Variants in KLF8 observed in about 807,000 individuals in gnomAD.
The protein encoded by KLF8 is Krueppel-like factor 8.
A neutral mutation model predicts 18.2 loss-of-function variants in KLF8; 10 were observed. The ratio of observed to expected loss-of-function variants is 0.55; its 90% CI spans 0.34 to 0.93. KLF8 has a LOEUF of 0.93. Among genes scored for constraint, KLF8 ranks in the 40% least tolerant of loss-of-function variants. KLF8 has a pLI of 0.02. For missense variants in KLF8, 264 were observed against 277.9 expected (o/e 0.95, Z 0.36); for synonymous variants, 109 against 97.3 (o/e 1.12, Z -0.71).
chrX:56,181,787 G>GC, the KLF8 span, among the ~76,000 whole-genome samples: 17,116 of 100,553 alleles, frequency 0.17, 3,292 homozygotes, highest in African/African-American at 0.53. Flanking sequence ...GTTGAATATT[G>GC]CTCCCCCCCC....
chrX:56,186,000 A>G, the KLF8 span, among the ~76,000 whole-genome samples: 164 of 112,378 alleles, frequency 1.5e-3, 1 homozygote, highest in African/African-American at 4.9e-3. Flanking sequence ...CATCATAATG[A>G]CAAGGATCAA....
the KLF8 span, among the ~76,000 whole-genome samples, chrX:56,094,503 C>A: frequency 1.8e-5 from 2 of 110,948 alleles, no homozygotes; most frequent in African/African-American, 6.5e-5. Context: ...AATAAAGTAA[C>A]CATTATAGTT....
the KLF8 span, among the ~76,000 whole-genome samples, chrX:56,160,358 A>T: frequency 9.0e-6 from 1 of 111,671 alleles, no homozygotes; most frequent in Non-Finnish European, 1.9e-5. Context: ...AGAAGAATGT[A>T]TATTCTGTTG....
At chrX:56,077,438 G>A in the KLF8 span, among the ~76,000 whole-genome samples, 1 of 111,761 alleles carries the variant, frequency 8.9e-6, no homozygotes, top group Non-Finnish European at 1.9e-5. Context: ...GTTTGTCAAA[G>A]ATCAGATAGT....
the KLF8 span, among the ~76,000 whole-genome samples, chrX:56,061,408 T>C: frequency 2.7e-5 from 3 of 111,707 alleles, no homozygotes; most frequent in Non-Finnish European, 5.6e-5. Context: ...ATTTCTGCCT[T>C]AATTTCGTTA....
the KLF8 span, among the ~76,000 whole-genome samples, chrX:56,057,430 C>A: frequency 2.7e-5 from 3 of 111,389 alleles, no homozygotes; most frequent in African/African-American, 9.8e-5. Context: ...AGCAAACATG[C>A]CCACGTACAC....
At chrX:56,255,523 T>C (rs907747350) in intron 2 of KLF8, among the ~76,000 whole-genome samples, 1 of 112,401 alleles carries the variant, frequency 8.9e-6, no homozygotes, top group Non-Finnish European at 1.9e-5. Flanking sequence ...TTTTTCCCCA[T>C]TCGATATGAT....
the KLF8 span, among the ~76,000 whole-genome samples, chrX:55,964,782 T>G: frequency 1.8e-5 from 2 of 111,780 alleles, no homozygotes; most frequent in Admixed American, 1.9e-4. Context: ...AACACTTCTA[T>G]GTACACAAAT....
the KLF8 span, among the ~76,000 whole-genome samples, chrX:56,148,452 A>G: frequency 9.0e-6 from 1 of 111,109 alleles, no homozygotes; most frequent in Admixed American, 9.7e-5. Flanking sequence ...AAAAAAAAAA[A>G]TAGAGAAATA....
chrX:56,262,633 C>T (rs1044678515), intron 2 of KLF8, among the ~76,000 whole-genome samples: 1 of 111,133 alleles, frequency 9.0e-6, no homozygotes, highest in Non-Finnish European at 1.9e-5. Flanking sequence ...TATATTCTTA[C>T]AGAAAATGAT....
At chrX:56,269,252 G>C in intron 3 of KLF8, 126 bp from the exon 4 acceptor site, 1 of 1,044,670 alleles carries the variant, frequency 9.6e-7, no homozygotes, top group Non-Finnish European at 1.2e-6. Context: ...CTTTCATCTT[G>C]TTTTTTATTT....
At chrX:56,003,863 C>T in the KLF8 span, among the ~76,000 whole-genome samples, 5 of 112,103 alleles carry the variant, frequency 4.5e-5, no homozygotes, top group Admixed American at 1.9e-4. Context: ...CCTGTGTAGC[C>T]TGAAAATCAT....
At chrX:56,266,853 A>C (rs2066979746) in intron 3 of KLF8, 2 of 752,260 alleles carry the variant, frequency 2.7e-6, no homozygotes, top group African/African-American at 4.6e-5. Flanking sequence ...GCTGAAAAAC[A>C]ACATACTACT....
chrX:56,205,875 T>C, the KLF8 span, among the ~76,000 whole-genome samples: 3 of 111,678 alleles, frequency 2.7e-5, no homozygotes, highest in African/African-American at 9.8e-5. Flanking sequence ...TGTATTAGTC[T>C]GTTTTCAGGC....
At chrX:55,973,596 C>G in the KLF8 span, among the ~76,000 whole-genome samples, 1 of 112,146 alleles carries the variant, frequency 8.9e-6, no homozygotes, top group Admixed American at 9.5e-5. Context: ...ATGAAAAATT[C>G]TCAACGTCAC....
intron 1 of KLF8, among the ~76,000 whole-genome samples, chrX:56,244,351 C>A (rs2066593860): frequency 9.0e-6 from 1 of 111,399 alleles, no homozygotes; most frequent in South Asian, 3.8e-4. Flanking sequence ...ACATGCCTGG[C>A]TAATTTTTAA....
the KLF8 span, among the ~76,000 whole-genome samples, chrX:56,071,302 A>G: frequency 1.8e-5 from 2 of 112,124 alleles, no homozygotes; most frequent in Non-Finnish European, 3.8e-5. Flanking sequence ...GAGGTAGAAG[A>G]TTCAGCAATC....
At chrX:56,071,275 A>T in the KLF8 span, among the ~76,000 whole-genome samples, 3 of 111,879 alleles carry the variant, frequency 2.7e-5, no homozygotes, top group Non-Finnish European at 5.6e-5. Flanking sequence ...AAACTATTAA[A>T]TTTTTATCAG....
the KLF8 span, among the ~76,000 whole-genome samples, chrX:55,941,177 A>G: frequency 2.7e-5 from 3 of 111,764 alleles, no homozygotes; most frequent in Non-Finnish European, 3.8e-5. Flanking sequence ...CAGAGATATA[A>G]ACCAATGTAA....
Sources: allele counts gnomAD v4.1 joint callset (sites outside exome capture counted in the v4.1 genomes callset), GRCh38; gene constraint gnomAD v4.1.1; transcripts MANE v1.5; gene names NCBI Gene and HGNC (gene_info 2026-07-23, HGNC 2026-07-21).